PLXNA4: variants seen among roughly 807,000 people sequenced by gnomAD.
PLXNA4 encodes plexin-A4.
Under a neutral mutation model 191.8 loss-of-function variants are expected in PLXNA4, and 44 were observed. The ratio of observed to expected loss-of-function variants is 0.23; its 90% confidence interval spans 0.18 to 0.29. The LOEUF is 0.29. Ranked by LOEUF, PLXNA4 falls within the 10% of genes least tolerant of loss-of-function variation. PLXNA4 has a pLI of 1.00. For synonymous variants in PLXNA4, 1,082 were observed against 1,009.5 expected (o/e 1.07, Z -1.36); for missense variants, 1,800 against 2,488.8 (o/e 0.72, Z 5.89).
At chr7:132,485,787 AAC>A (rs1041828833) in intron 3 of PLXNA4, among the ~76,000 whole-genome samples, 1 of 152,164 alleles carries the variant, frequency 6.6e-6, no homozygotes. Flanking sequence ...TACCATCTGC[AAC>A]ACACACACAT....
intron 3 of PLXNA4, among the ~76,000 whole-genome samples, chr7:132,306,621 C>G (rs1230902748): frequency 1.3e-5 from 2 of 152,122 alleles, no homozygotes; most frequent in African/African-American, 4.8e-5. Context: ...ATTAGCACAC[C>G]AAAGAGTGCC....
intron 4 of PLXNA4, among the ~76,000 whole-genome samples, chr7:132,280,905 C>T (rs1262694633): frequency 2.6e-5 from 4 of 151,944 alleles, no homozygotes; most frequent in African/African-American, 9.7e-5. Flanking sequence ...TGAGCATGCA[C>T]CTACAATGCA....
At position 132,508,124 on chromosome 7, in the gene PLXNA4, A is replaced by G; in HGVS notation, c.570T>C (p.Asp190=). The G allele has an allele frequency of 1.2e-6, 2 of 1,614,220 alleles. No individual in the cohort carries two copies. Among genetic ancestry groups the G allele is most frequent in the Non-Finnish European group, 1.7e-6 (2 of 1,180,038 alleles). Residue 190 remains aspartate, a synonymous_variant, in exon 2 of 32, where the codon GAT becomes GAC. Coordinates refer to ENST00000321063, the MANE Select transcript of PLXNA4 (RefSeq NM_020911.2). The surrounding 1 kb of genome is among the most constrained non-coding windows in gnomAD (Gnocchi z 4.4). The stretch of plus-strand genomic sequence containing the variant: ...TGGTGGGAAAATACTCGGGCTTCCC[A>G]TCCACTGCCGTGGCAATGAACAGCT... ...DDKLFIATAV[D]GKPEYFPTIS...
chr7:132,224,289 G>T (rs551204930), intron 8 of PLXNA4, among the ~76,000 whole-genome samples: 2 of 152,120 alleles, frequency 1.3e-5, no homozygotes, highest in African/African-American at 4.8e-5. Context: ...CTTTGGCCAC[G>T]AATAGGCCAC....
intron 1 of PLXNA4, among the ~76,000 whole-genome samples, chr7:132,551,129 C>G (rs1050122007): frequency 6.6e-6 from 1 of 152,200 alleles, no homozygotes; most frequent in Admixed American, 6.5e-5. Flanking sequence ...GACAATTCCC[C>G]AACACTCAAA....
At chr7:132,191,390 A>T (rs981903534) in intron 14 of PLXNA4, among the ~76,000 whole-genome samples, 1 of 152,132 alleles carries the variant, frequency 6.6e-6, no homozygotes, top group Non-Finnish European at 1.5e-5. Context: ...AGAGAGGAGG[A>T]TGCACTCTTT....
Position 132,132,488 on chromosome 7 carries a change from C to CTT in PLXNA4, c.5589+560_5589+561insAA, listed in dbSNP as rs1563048489. Among the ~76,000 whole-genome samples the CTT allele has an allele frequency of 6.1e-3, 516 of 84,280 alleles. 46 individuals are homozygous for CTT. The highest frequency in any genetic ancestry group is 0.014 in the South Asian group (34 of 2,434). 55.3% of individuals were successfully genotyped at this position (84,280 alleles called of 152,430 possible). A position where few individuals can be genotyped will look rare whatever the true frequency, so the allele number is the denominator to read the frequency against. On this transcript the variant is annotated intron_variant, in intron 31 of 31. Transcript: ENST00000321063. ...TTCTGCTCTGCTCTGCTCTGCTCTG[C>CTT]TCTATTCTTTTCTATTCTATTCTAT...
At chr7:132,501,170 C>T (rs1798234310) in intron 2 of PLXNA4, among the ~76,000 whole-genome samples, 1 of 152,056 alleles carries the variant, frequency 6.6e-6, no homozygotes, top group African/African-American at 2.4e-5. Flanking sequence ...GAGAACAAGT[C>T]ACAGAAATAG....
chr7:132,300,307 G>A (rs1353227383), intron 3 of PLXNA4, among the ~76,000 whole-genome samples: 2 of 152,092 alleles, frequency 1.3e-5, no homozygotes, highest in Non-Finnish European at 1.5e-5. Context: ...TATGTCTCCC[G>A]GTGGTGGCCA....
intron 4 of PLXNA4, among the ~76,000 whole-genome samples, chr7:132,264,781 G>A (rs879496869): frequency 5.5e-5 from 8 of 146,636 alleles, no homozygotes; most frequent in South Asian, 4.7e-4. Flanking sequence ...CACTGCAACC[G>A]CCGCCTCCTG....
chr7:132,299,393 A>G (rs1801223806), intron 3 of PLXNA4, among the ~76,000 whole-genome samples: 2 of 152,210 alleles, frequency 1.3e-5, no homozygotes, highest in African/African-American at 4.8e-5. Flanking sequence ...GAACTAAATT[A>G]CAGAAAGAAC....
rs758354693 is a variant in PLXNA4 at position 132,210,948 on chromosome 7, T to C, written c.2293A>G (p.Thr765Ala). 2 of 1,610,424 alleles carry C rather than the reference T, an allele frequency of 1.2e-6. No homozygotes were observed. Among genetic ancestry groups the C allele is most frequent in the Admixed American group, 1.7e-5 (1 of 59,968 alleles). ...GGCAGGGTTGGGCGACTCACAGAGG[T>C]GTTCTGGCACTGTACGCTGGAGCTG... is the stretch of plus-strand genomic sequence containing the variant. ...FNSSSVQCQN[T>A]SYSYEGMEIN... is the part of the protein sequence containing the mutation. The change falls in exon 10 of 32, where the codon ACC becomes GCC. Residue 765 changes from threonine (T) to alanine (A), a missense_variant. Physicochemically the swap from Thr to Ala is moderately conservative, Grantham distance 58. This residue lies in a region of PLXNA4 where 1,397 missense variants were observed against 1,880.4 expected (regional missense o/e 0.74). Transcript: ENST00000321063.
chr7:132,453,866 C>T (rs1443437371), intron 3 of PLXNA4, among the ~76,000 whole-genome samples: 1 of 152,206 alleles, frequency 6.6e-6, no homozygotes, highest in Non-Finnish European at 1.5e-5. Context: ...CTCCAAATTC[C>T]CCTTCAAGAC....
intron 4 of PLXNA4, among the ~76,000 whole-genome samples, chr7:132,282,763 A>T (rs1414285118): frequency 6.6e-6 from 1 of 151,070 alleles, no homozygotes; most frequent in Non-Finnish European, 1.5e-5. Context: ...GGCAAAAGGG[A>T]GCTCAGTGTT....
intron 3 of PLXNA4, among the ~76,000 whole-genome samples, chr7:132,311,509 T>G (rs745371953): frequency 2.0e-5 from 3 of 152,202 alleles, no homozygotes; most frequent in East Asian, 1.9e-4. Context: ...GTTTACATTT[T>G]CTGGCTTCAA....
At chr7:132,605,324 T>C (rs994338593) in intron 2 of PLXNA4, among the ~76,000 whole-genome samples, 5 of 152,214 alleles carry the variant, frequency 3.3e-5, no homozygotes, top group Admixed American at 1.3e-4. Flanking sequence ...TGTTATTTAC[T>C]GTACTGATGA....
intron 3 of PLXNA4, among the ~76,000 whole-genome samples, chr7:132,411,146 G>A (rs1425287875): frequency 6.6e-6 from 1 of 152,194 alleles, no homozygotes; most frequent in Non-Finnish European, 1.5e-5. Flanking sequence ...GCAGAGAAAG[G>A]GGGACATTTA....
intron 3 of PLXNA4, among the ~76,000 whole-genome samples, chr7:132,312,490 A>C (rs1230255353): frequency 6.6e-6 from 1 of 152,208 alleles, no homozygotes; most frequent in Non-Finnish European, 1.5e-5. Context: ...ATGGCACATT[A>C]ATATTAATGA....
intron 10 of PLXNA4, among the ~76,000 whole-genome samples, chr7:132,208,851 C>T (rs565099977): frequency 6.6e-6 from 1 of 152,166 alleles, no homozygotes; most frequent in Admixed American, 6.5e-5. Context: ...GGAGACAGCA[C>T]CCACCTGCCT....
Sources: gnomAD v4.1 joint callset for allele counts (sites outside exome capture counted in the v4.1 genomes callset) on GRCh38, gnomAD v4.1.1 for gene constraint, gnomAD v4.1.1 regional missense constraint, Gnocchi (gnomAD v3.1) non-coding constraint, MANE v1.5 for transcripts, NCBI Gene and HGNC (gene_info 2026-07-23, HGNC 2026-07-21) for gene names.